The following CASQ2 variants were observed in gnomAD, a reference collection of about 807,000 sequenced individuals.
CASQ2 encodes the protein calsequestrin 2, also known as calsequestrin-2.
A neutral mutation model predicts 46.5 loss-of-function variants in CASQ2; 49 were observed. That is an observed-to-expected ratio of 1.05 (90% CI 0.84 to 1.34). The LOEUF (loss-of-function observed/expected upper bound fraction) is 1.34. Ranked by LOEUF, CASQ2 falls within the 40% of genes most tolerant of loss-of-function variation. The pLI is 0.00. For missense variants in CASQ2, 486 were observed against 481.3 expected (o/e 1.01, Z -0.09); for synonymous variants, 174 against 168.5 (o/e 1.03, Z -0.25).
intron 8 of CASQ2, among the ~76,000 whole-genome samples, chr1:115,711,085 C>T (rs1390797614): frequency 6.6e-6 from 1 of 152,218 alleles, no homozygotes; most frequent in Non-Finnish European, 1.5e-5. Flanking sequence ...AGCATGCAGC[C>T]TGCCCTGCCC....
In CASQ2 at chr1:115,725,641, T is replaced by C. The variant is rs551385087; in HGVS notation, c.738-88A>G. The stretch of plus-strand genomic sequence containing the variant: ...ACACAGCAGCCACAGCATTATGAAA[T>C]GTAAAATGAGATGATGCTTCCTTTG... On this transcript the variant is annotated intron_variant, in intron 6 of 10. Coordinates refer to ENST00000261448, the MANE Select transcript of CASQ2 (RefSeq NM_001232.4). 6 of 1,504,586 alleles carry C rather than the reference T, an allele frequency of 4.0e-6. No homozygotes were observed. The East Asian group carries it at 1.4e-4, about 34-fold the overall frequency. 93.2% of individuals were successfully genotyped at this position (1,504,586 alleles called of 1,614,324 possible).
chr1:115,713,847 T>C (rs1260985661), intron 8 of CASQ2, among the ~76,000 whole-genome samples: 2 of 152,160 alleles, frequency 1.3e-5, no homozygotes, highest in Non-Finnish European at 2.9e-5. Context: ...GGAGGGGCCC[T>C]TGGGAAATCT....
intron 1 of CASQ2, among the ~76,000 whole-genome samples, chr1:115,745,407 G>C (rs1648355424): frequency 6.6e-6 from 1 of 152,088 alleles, no homozygotes; most frequent in Non-Finnish European, 1.5e-5. Flanking sequence ...ATGCCCATTG[G>C]GTGAATAGAC....
At chr1:115,723,305 TTATCTATCTATC>T (rs58680506) in intron 7 of CASQ2, among the ~76,000 whole-genome samples, 3 of 148,748 alleles carry the variant, frequency 2.0e-5, no homozygotes, top group Non-Finnish European at 4.4e-5. Context: ...ATCTATCTAT[TTATCTATCTATC>T]TATCTATCTA....
intron 1 of CASQ2, among the ~76,000 whole-genome samples, chr1:115,746,132 G>A (rs922344257): frequency 1.3e-5 from 2 of 149,800 alleles, no homozygotes; most frequent in Non-Finnish European, 1.5e-5. Flanking sequence ...GTAGAGATTT[G>A]TCTAGGTTGT....
Position 115,727,022 on chromosome 1 carries a change from T to C in CASQ2, c.707A>G (p.Glu236Gly), listed in dbSNP as rs1246518201. The change falls in exon 6 of 11, where the codon GAG (glutamate) becomes GGG (glycine). Residue 236 changes from glutamate (E) to glycine (G), a missense_variant. Physicochemically the swap from Glu to Gly is moderately conservative, Grantham distance 98 (BLOSUM62 -2). Coordinates refer to ENST00000261448, the MANE Select transcript of CASQ2 (RefSeq NM_001232.4). ...GTGTTCCTTCACAAACTCCACCAGC[T>C]CCTCTTCTGTGTAAGGTTTGTTGGG... ...AIPNKPYTEE[E>G]LVEFVKEHQR... is the part of the protein sequence containing the mutation. 1 of 1,544,242 alleles carries C rather than the reference T, an allele frequency of 6.5e-7. No homozygotes were observed. Among genetic ancestry groups the C allele is most frequent in the South Asian group, 1.1e-5 (1 of 90,134 alleles).
chr1:115,703,144 C>T, intron 9 of CASQ2, 149 bp from the exon 10 acceptor site: 1 of 699,134 alleles, frequency 1.4e-6, no homozygotes, highest in Non-Finnish European at 2.6e-6. Context: ...AGACTTGGCC[C>T]CAGCCTTCAA....
intron 4 of CASQ2, among the ~76,000 whole-genome samples, chr1:115,737,466 C>T (rs963781301): frequency 1.3e-5 from 2 of 152,160 alleles, no homozygotes; most frequent in South Asian, 2.1e-4. Context: ...TATGCTCACC[C>T]GCTCTAATGC....
In CASQ2 at chr1:115,738,307, C is replaced by A. The variant is rs772041539; in HGVS notation, c.449G>T (p.Ser150Ile). The A allele has an allele frequency of 3.7e-6, 6 of 1,612,740 alleles. No individual in the cohort carries two copies. The Admixed American group carries it at 8.3e-5, about 22-fold the overall frequency. Residue 150 changes from serine (S) to isoleucine (I), a missense_variant, in exon 4 of 11, where the codon AGC becomes ATC. Coordinates refer to ENST00000261448, the MANE Select transcript of CASQ2 (RefSeq NM_001232.4). ...DLIEDPVEII[S>I]SKLEVQAFER... ...GAAGGCTTGGACTTCCAGTTTGCTG[C>A]TGATGATCTCCACTGGGTCTTCAAT...
chr1:115,705,300 A>C lies in CASQ2; in HGVS notation c.839-8T>G. The C allele has an allele frequency of 6.3e-7, 1 of 1,592,286 alleles. No individual in the cohort carries two copies. Among genetic ancestry groups the C allele is most frequent in the East Asian group, 2.2e-5 (1 of 44,756 alleles). ...CCAGGAATTCGTAGCCATCTGAAAC[A>C]GGATTCAAGAGAGTTGAGTAACCCC... On this transcript the variant is annotated splice_region_variant and splice_polypyrimidine_tract_variant and intron_variant, in intron 8 of 10. Coordinates refer to ENST00000261448, the MANE Select transcript of CASQ2 (RefSeq NM_001232.4).
At chr1:115,727,344 A>G (rs537790198) in intron 5 of CASQ2, among the ~76,000 whole-genome samples, 9 of 152,334 alleles carry the variant, frequency 5.9e-5, no homozygotes, top group African/African-American at 2.2e-4. Flanking sequence ...AAAAAGACTT[A>G]TCTAGCAAAT....
intron 8 of CASQ2, among the ~76,000 whole-genome samples, chr1:115,712,536 G>A (rs142792406): frequency 4.6e-5 from 7 of 152,250 alleles, no homozygotes; most frequent in African/African-American, 7.2e-5. Flanking sequence ...TCTGTACACC[G>A]GGGAAGATGA....
intron 1 of CASQ2, among the ~76,000 whole-genome samples, chr1:115,762,267 T>C (rs1197785125): frequency 3.9e-5 from 6 of 152,218 alleles, no homozygotes; most frequent in Middle Eastern, 3.2e-3. Context: ...CTGGAAAGTA[T>C]TGCTTGTTCC....
chr1:115,738,353 C>T lies in CASQ2; in HGVS notation c.421-18G>A. 7.2e-7 allele frequency: 1 copy of T among 1,390,716 alleles called. No individual in the cohort carries two copies. Among genetic ancestry groups the T allele is most frequent in the Non-Finnish European group, 1.0e-6 (1 of 976,228 alleles). 86.1% of individuals were successfully genotyped at this position (1,390,716 alleles called of 1,614,324 possible). ...TCAATTAGCTGAAATGCCACACGCA[C>T]ATACACACATGTTCAAACAAGAGAT... is the stretch of plus-strand genomic sequence containing the variant. On this transcript the variant is annotated intron_variant, in intron 3 of 10. Transcript: ENST00000261448.
At chr1:115,723,828 TA>T (rs1408602592) in intron 7 of CASQ2, among the ~76,000 whole-genome samples, 1 of 152,160 alleles carries the variant, frequency 6.6e-6, no homozygotes, top group Non-Finnish European at 1.5e-5. Context: ...CATGAGTCAC[TA>T]TGCCTAGCGA....
intron 1 of CASQ2, among the ~76,000 whole-genome samples, chr1:115,759,837 C>T (rs573746746): frequency 6.6e-6 from 1 of 152,294 alleles, no homozygotes; most frequent in Non-Finnish European, 1.5e-5. Flanking sequence ...GGGGAAAGGG[C>T]TAATGTGCCA....
At chr1:115,735,738 A>G (rs1462177753) in intron 4 of CASQ2, among the ~76,000 whole-genome samples, 1 of 152,246 alleles carries the variant, frequency 6.6e-6, no homozygotes, top group African/African-American at 2.4e-5. Flanking sequence ...TATAAGGAAT[A>G]TGAACATTAC....
At chr1:115,723,309 C>CTATT (rs1647456555) in intron 7 of CASQ2, among the ~76,000 whole-genome samples, 1 of 150,468 alleles carries the variant, frequency 6.6e-6, no homozygotes. Context: ...ATCTATTTAT[C>CTATT]TATCTATCTA....
intron 8 of CASQ2, among the ~76,000 whole-genome samples, chr1:115,712,413 G>T (rs1372742473): frequency 6.6e-6 from 1 of 152,132 alleles, no homozygotes; most frequent in South Asian, 2.1e-4. Context: ...TAAGCTGATG[G>T]TTACAGAGCC....
Sources: gnomAD v4.1 joint callset for allele counts (sites outside exome capture counted in the v4.1 genomes callset) on GRCh38, gnomAD v4.1.1 for gene constraint, MANE v1.5 for transcripts, NCBI Gene and HGNC (gene_info 2026-07-23, HGNC 2026-07-21) for gene names.